The following POLG2 variants were observed in gnomAD, a reference collection of about 807,000 sequenced individuals.
POLG2 encodes DNA polymerase gamma 2, accessory subunit, also known as DNA polymerase subunit gamma-2.
In POLG2, 50 loss-of-function variants were observed where a neutral mutation model predicts 56.5. That is an observed-to-expected ratio of 0.88 (90% CI 0.71 to 1.12). POLG2 has a LOEUF of 1.12. Ranked by LOEUF, POLG2 falls within the 50% of genes most tolerant of loss-of-function variation. The pLI is 0.00. For missense variants in POLG2, 584 were observed against 583.3 expected (o/e 1.00, Z -0.01); for synonymous variants, 226 against 222.6 (o/e 1.02, Z -0.14).
rs781903183 is a variant in POLG2, at chr17:64,480,362, G to C, written c.1219C>G (p.Leu407Val). ...QVCQGLFNEL[L>V]ENGISVWPGY... is the part of the protein sequence containing the mutation. ...GGCCACACAGAAATCCCATTTTCTA[G>C]TAACTCATTAAATAGCCCTTGACAA... Residue 407 changes from leucine to valine, a missense_variant, in exon 7 of 8, where the codon CTA becomes GTA. Coordinates refer to ENST00000539111, the MANE Select transcript of POLG2 (RefSeq NM_007215.4). 1 of 1,589,818 alleles carries C rather than the reference G, an allele frequency of 6.3e-7. No homozygotes were observed. The highest frequency in any genetic ancestry group is 8.6e-7 in the Non-Finnish European group (1 of 1,159,738).
chr17:64,495,240 A>G (rs2038131201), intron 1 of POLG2, among the ~76,000 whole-genome samples: 1 of 151,460 alleles, frequency 6.6e-6, no homozygotes, highest in Non-Finnish European at 1.5e-5. Flanking sequence ...ACTGAGGGTC[A>G]TTGCTTCTAG....
intron 3 of POLG2, chr17:64,491,824 T>C: frequency 2.1e-6 from 1 of 466,582 alleles, no homozygotes. Flanking sequence ...AGCAACCTTC[T>C]TGGCTGCAAC....
Position 64,477,874 on chromosome 17 carries a change from G to T in POLG2, c.1407C>A (p.Ser469=). The T allele has an allele frequency of 1.2e-6, 2 of 1,612,470 alleles. No individual in the cohort carries two copies. Among genetic ancestry groups the T allele is most frequent in the South Asian group, 2.2e-5 (2 of 90,780 alleles). The change falls in exon 8 of 8, where the codon TCC becomes TCA. Residue 469 remains serine (S), a synonymous_variant. Coordinates refer to ENST00000539111, the MANE Select transcript of POLG2 (RefSeq NM_007215.4). ...DTTMKEMMHI[S]KLKDFLIKYI... Reference sequence around the variant, plus strand: ...ACTTAATCAAAAAGTCTTTTAATTTGGATATATGCATCATTTCCTTCATTG... The same window carrying T: ...ACTTAATCAAAAAGTCTTTTAATTTTGATATATGCATCATTTCCTTCATTG...
intron 4 of POLG2, 39 bp from the exon 5 acceptor site, chr17:64,485,907 A>T: frequency 6.2e-7 from 1 of 1,610,320 alleles, no homozygotes. Context: ...CATTTCACAG[A>T]ACTTTTTTTG....
chr17:64,484,103 GTC>G (rs1257526917), intron 5 of POLG2: 39 of 152,294 alleles, frequency 2.6e-4, no homozygotes, highest in African/African-American at 7.9e-4. Context: ...AAAAATCTCC[GTC>G]TCTCGTGGCA....
chr17:64,483,721 C>CTT (rs782648209), intron 5 of POLG2, among the ~76,000 whole-genome samples: 5 of 137,298 alleles, frequency 3.6e-5, no homozygotes, highest in Non-Finnish European at 3.2e-5. Flanking sequence ...ATGAAATTTG[C>CTT]TTTTTTTTTT....
intron 7 of POLG2, 90 bp from the exon 8 acceptor site, chr17:64,478,078 C>T: frequency 1.5e-6 from 2 of 1,355,154 alleles, no homozygotes; most frequent in Non-Finnish European, 2.1e-6. Flanking sequence ...TGTTCATGCA[C>T]TCTCAAGAGT....
At chr17:64,482,111 T>C (rs1458714512) in intron 6 of POLG2, among the ~76,000 whole-genome samples, 4 of 142,486 alleles carry the variant, frequency 2.8e-5, no homozygotes, top group Admixed American at 2.1e-4. Context: ...TTTTTTTTTT[T>C]TTTTTTTTCT....
intron 6 of POLG2, among the ~76,000 whole-genome samples, chr17:64,482,510 G>A (rs1555666712): frequency 1.3e-5 from 2 of 151,778 alleles, no homozygotes; most frequent in East Asian, 1.9e-4. Flanking sequence ...TTAGTAGATG[G>A]GGTTTCACCA....
At position 64,485,753 on chromosome 17, in the gene POLG2, G is replaced by T. The variant is rs1316425629; in HGVS notation, c.1085C>A (p.Thr362Lys). The change falls in exon 5 of 8, where the codon ACA (threonine) becomes AAA (lysine). Residue 362 changes from threonine (T) to lysine (K), a missense_variant. Transcript: ENST00000539111. ...DSFQLTENSFTRKKNLHRKVL... is the reference protein window; with the variant it reads ...DSFQLTENSFKRKKNLHRKVL... ...CTTTCTATGAAGATTTTTCTTTCTT[G>T]TAAAGGAGTTCTCTGTCAGCTGGAA... The T allele has an allele frequency of 6.2e-7, 1 of 1,612,864 alleles. No individual in the cohort carries two copies. The highest frequency in any genetic ancestry group is 8.5e-7 in the Non-Finnish European group (1 of 1,178,988).
Position 64,496,408 on chromosome 17 carries a change from G to A in POLG2, c.561C>T (p.His187=). The change falls in exon 1 of 8, where the codon CAC becomes CAT. Residue 187 remains histidine (H), a splice_region_variant and synonymous_variant. Coordinates refer to ENST00000539111, the MANE Select transcript of POLG2 (RefSeq NM_007215.4). ...GAAGCATGAAATCGTGAAGCATACC[G>A]TGAAGAAGGTTCTCCCGTAGTTTCC... ...TSGKLRENLL[H]GALEHYVNCL... The A allele has an allele frequency of 1.9e-6, 3 of 1,564,188 alleles. No individual in the cohort carries two copies. The highest frequency in any genetic ancestry group is 1.8e-5 in the Admixed American group (1 of 56,856).
chr17:64,490,855 A>G lies in POLG2; in HGVS notation c.910T>C (p.Trp304Arg), dbSNP rs782261955. 25 of 1,613,810 alleles carry G rather than the reference A, an allele frequency of 1.5e-5. No homozygotes were observed. The highest frequency in any genetic ancestry group is 2.1e-5 in the Non-Finnish European group (25 of 1,179,694). ...PWGKELIETLWNLGDHELLHM... is the reference protein window; with the variant it reads ...PWGKELIETLRNLGDHELLHM... Reference sequence around the variant, plus strand: ...AAAAGTTCGTGATCTCCTAGGTTCCACAGGGTTTCTATTAACTCCTTTCCC... The same window carrying G: ...AAAAGTTCGTGATCTCCTAGGTTCCGCAGGGTTTCTATTAACTCCTTTCCC... Residue 304 changes from tryptophan to arginine, a missense_variant, in exon 4 of 8, where the codon TGG becomes CGG. By Grantham distance (101) the Trp-to-Arg change is moderately radical (BLOSUM62 -3). Coordinates refer to ENST00000539111, the MANE Select transcript of POLG2 (RefSeq NM_007215.4).
Position 64,480,316 on chromosome 17 carries a change from T to C in POLG2, c.1265A>G (p.Gln422Arg). ...CGAATAAAGTTGTTCCAATGAGGAC[T>C]GCATAGTTTCCAAATAACCAGGCCA... is the stretch of plus-strand genomic sequence containing the variant. ...SVWPGYLETM[Q>R]SSLEQLYSKY... Residue 422 changes from glutamine to arginine, a missense_variant, in exon 7 of 8, where the codon CAG (glutamine) becomes CGG (arginine). Transcript: ENST00000539111. 1 of 1,585,938 alleles carries C rather than the reference T, an allele frequency of 6.3e-7. No individual in the cohort carries two copies. Among genetic ancestry groups the C allele is most frequent in the East Asian group, 2.2e-5 (1 of 44,504 alleles).
chr17:64,481,198 A>G (rs2037850392), intron 6 of POLG2: 6 of 803,638 alleles, frequency 7.5e-6, no homozygotes, highest in Non-Finnish European at 9.0e-6. Context: ...GAGCTACAGC[A>G]TCCTAGGAGC....
chr17:64,490,611 G>A, intron 4 of POLG2, 185 bp downstream of exon 4: 1 of 613,946 alleles, frequency 1.6e-6, no homozygotes, highest in Non-Finnish European at 2.9e-6. Flanking sequence ...TGTGGCAATA[G>A]TGGATTACTG....
In POLG2 at chr17:64,496,651, C is replaced by T. The variant is rs782513784; in HGVS notation, c.318G>A (p.Leu106=). ...ACCATTCTGCGGCCAGGTTCTTCCG[C>T]AACTCTACGCCCAAGGGTCCGAAGC... ...HPGFGPLGVE[L]RKNLAAEWWT... is the part of the protein sequence containing the mutation. Residue 106 remains leucine (L), a synonymous_variant, in exon 1 of 8, where the codon TTG becomes TTA. Coordinates refer to ENST00000539111, the MANE Select transcript of POLG2 (RefSeq NM_007215.4). 2.2e-5 allele frequency: 35 copies of T among 1,613,924 alleles called. No homozygotes were observed. In the Middle Eastern group the frequency reaches 4.9e-4, roughly 23 times the overall value.
intron 4 of POLG2, among the ~76,000 whole-genome samples, chr17:64,489,633 G>A (rs1375575560): frequency 6.6e-6 from 1 of 151,946 alleles, no homozygotes; most frequent in African/African-American, 2.4e-5. Flanking sequence ...GGTGATACAT[G>A]CTTGTAGTCC....
At chr17:64,491,706 A>C in intron 3 of POLG2, 9 of 1,002,158 alleles carry the variant, frequency 9.0e-6, no homozygotes, top group Non-Finnish European at 1.4e-5. Flanking sequence ...GGGGTTTACC[A>C]TGGTGCTGGC....
chr17:64,480,498 A>C, intron 6 of POLG2, 109 bp from the exon 7 acceptor site: 1 of 551,070 alleles, frequency 1.8e-6, no homozygotes, highest in Admixed American at 2.6e-5. Context: ...TAAAATGGGT[A>C]TGTTTCTTTA....
Sources: gnomAD v4.1 joint callset for allele counts (sites outside exome capture counted in the v4.1 genomes callset) on GRCh38, gnomAD v4.1.1 for gene constraint, MANE v1.5 for transcripts, NCBI Gene and HGNC (gene_info 2026-07-23, HGNC 2026-07-21) for gene names.